Variants in DOCK3 observed in about 807,000 individuals in gnomAD.
DOCK3 encodes dedicator of cytokinesis 3, also known as dedicator of cytokinesis protein 3.
DOCK3 carries 60 observed loss-of-function variants against 265.6 expected under a neutral mutation model. The observed-to-expected ratio is 0.23, with a 90% CI of 0.18 to 0.28. DOCK3 has a LOEUF of 0.28. DOCK3 is among the 10% of genes least tolerant of loss of function. The pLI is 1.00. For missense variants in DOCK3, 1,981 were observed against 2,594.3 expected (o/e 0.76, Z 5.14); for synonymous variants, 881 against 938.0 (o/e 0.94, Z 1.11).
intron 27 of DOCK3, among the ~76,000 whole-genome samples, chr3:51,294,236 A>G (rs1576684029): frequency 6.6e-6 from 1 of 152,360 alleles, no homozygotes; most frequent in East Asian, 1.9e-4. Context: ...TGGTATATAT[A>G]CACAGGCAAT....
At chr3:51,257,726 G>A (rs947106255) in intron 22 of DOCK3, among the ~76,000 whole-genome samples, 2 of 152,164 alleles carry the variant, frequency 1.3e-5, no homozygotes, top group South Asian at 4.1e-4. Context: ...AAACAAAAAT[G>A]GACAGGGCAG....
At chr3:51,110,197 A>G (rs958918349) in intron 9 of DOCK3, among the ~76,000 whole-genome samples, 1 of 152,116 alleles carries the variant, frequency 6.6e-6, no homozygotes, top group African/African-American at 2.4e-5. Context: ...AAATAAATAA[A>G]TAAATAAGCT....
intron 5 of DOCK3, among the ~76,000 whole-genome samples, chr3:50,993,441 A>G (rs1320518434): frequency 6.6e-6 from 1 of 152,230 alleles, no homozygotes; most frequent in Non-Finnish European, 1.5e-5. Flanking sequence ...AGATATAAAT[A>G]GCTCAGCCTG....
Position 51,381,123 on chromosome 3 carries a change from C to T in DOCK3, c.5657C>T (p.Ser1886Phe). The change falls in exon 53 of 53, where the codon TCC (serine) becomes TTC (phenylalanine). Residue 1886 changes from serine to phenylalanine, a missense_variant. This residue lies in a region of DOCK3 where 1,357 missense variants were observed against 1,866.8 expected (regional missense o/e 0.73). Transcript: ENST00000266037. This position sits in a 1 kb window ranked among gnomAD's most constrained non-coding sequence, Gnocchi z 5.6. ...SGLDGSNSTL[S>F]GSASSGVSSL... ...CTGGACGGCAGCAACTCTACGCTGT[C>T]CGGCAGTGCCAGCAGCGGCGTGTCC... 1 of 1,613,936 alleles carries T rather than the reference C, an allele frequency of 6.2e-7. No homozygotes were observed. The highest frequency in any genetic ancestry group is 8.5e-7 in the Non-Finnish European group (1 of 1,179,880).
At chr3:50,752,517 A>C (rs1216652650) in intron 1 of DOCK3, among the ~76,000 whole-genome samples, 2 of 40,198 alleles carry the variant, frequency 5.0e-5, no homozygotes, top group African/African-American at 1.2e-4. Context: ...CAAAAAAAAA[A>C]AAAAAACAAA....
chr3:50,950,025 G>A (rs939300924), intron 5 of DOCK3, among the ~76,000 whole-genome samples: 1 of 137,708 alleles, frequency 7.3e-6, no homozygotes, highest in African/African-American at 2.7e-5. Context: ...TTTTTTTTTA[G>A]TCATGTCTAA....
At position 51,260,211 on chromosome 3, in the gene DOCK3, C is replaced by T; in HGVS notation, c.2240C>T (p.Ala747Val). ...CAGTCACGGATCCTGTACTCACGAG[C>T]CACTTGTGGAATGGAAGAGGAACAA... ...IVQSRILYSR[A>V]TCGMEEEQFR... The change falls in exon 23 of 53, where the codon GCC becomes GTC. Residue 747 changes from alanine (A) to valine (V), a missense_variant. Ala to Val is a moderately conservative substitution (Grantham distance 64, BLOSUM62 0). This residue lies in a region of DOCK3 where 1,357 missense variants were observed against 1,866.8 expected (regional missense o/e 0.73). Coordinates refer to ENST00000266037, the MANE Select transcript of DOCK3 (RefSeq NM_004947.5). The T allele has an allele frequency of 6.2e-7, 1 of 1,613,874 alleles. No homozygotes were observed. The highest frequency in any genetic ancestry group is 8.5e-7 in the Non-Finnish European group (1 of 1,179,866).
intron 5 of DOCK3, among the ~76,000 whole-genome samples, chr3:50,969,734 T>C (rs374021243): frequency 9.2e-5 from 14 of 152,220 alleles, no homozygotes; most frequent in African/African-American, 3.4e-4. Flanking sequence ...ATGATGAAAC[T>C]TAGTTTAGCA....
At chr3:50,978,195 G>A (rs577079294) in intron 5 of DOCK3, among the ~76,000 whole-genome samples, 8 of 150,178 alleles carry the variant, frequency 5.3e-5, no homozygotes, top group South Asian at 2.1e-4. Flanking sequence ...GAGGAACTGC[G>A]TTCCTTTGGA....
intron 4 of DOCK3, among the ~76,000 whole-genome samples, chr3:50,898,846 CTG>C (rs1207499048): frequency 6.6e-6 from 1 of 151,230 alleles, no homozygotes; most frequent in Non-Finnish European, 1.5e-5. Context: ...GTCTGAGAGA[CTG>C]TTATGATTTC....
intron 6 of DOCK3, among the ~76,000 whole-genome samples, chr3:51,065,112 A>G (rs2081544000): frequency 6.6e-6 from 1 of 152,188 alleles, no homozygotes. Flanking sequence ...CTATTGCCAT[A>G]CAAGTACAAT....
At chr3:51,104,417 A>G (rs1348444447) in intron 9 of DOCK3, among the ~76,000 whole-genome samples, 1 of 152,184 alleles carries the variant, frequency 6.6e-6, no homozygotes, top group Non-Finnish European at 1.5e-5. Flanking sequence ...GAAGAGGGAC[A>G]TGTTCTGACT....
intron 27 of DOCK3, among the ~76,000 whole-genome samples, chr3:51,291,178 A>C (rs981083970): frequency 6.6e-6 from 1 of 152,216 alleles, no homozygotes; most frequent in African/African-American, 2.4e-5. Context: ...AGTTTATAGC[A>C]ATAAATGCCT....
chr3:51,277,296 A>G (rs1329326758), intron 25 of DOCK3, among the ~76,000 whole-genome samples: 1 of 152,202 alleles, frequency 6.6e-6, no homozygotes, highest in Non-Finnish European at 1.5e-5. Flanking sequence ...ATCAAAGAAA[A>G]CATTTAACTC....
chr3:51,034,028 C>A (rs542812133), intron 5 of DOCK3, among the ~76,000 whole-genome samples: 2 of 152,048 alleles, frequency 1.3e-5, no homozygotes, highest in Non-Finnish European at 2.9e-5. Flanking sequence ...AATGTCTTAT[C>A]GTTCTTAGTA....
rs1024647342 is a variant in DOCK3 at position 51,026,447 on chromosome 3, T to A, written c.316-38001T>A. ...ATTGGCCTGTAGTTTTTTTTTTTTT[T>A]TTATTGTGTCCTTGTCAGCTTTGGG... On this transcript the variant is annotated intron_variant, in intron 5 of 52. Coordinates refer to ENST00000266037, the MANE Select transcript of DOCK3 (RefSeq NM_004947.5). Among the ~76,000 whole-genome samples, 53 of 152,030 alleles carry A rather than the reference T, an allele frequency of 3.5e-4. 1 individual carries two copies. Among genetic ancestry groups the A allele is most frequent in the Admixed American group, 2.5e-3 (38 of 15,272 alleles).
intron 27 of DOCK3, among the ~76,000 whole-genome samples, chr3:51,301,376 T>A (rs1399822598): frequency 6.6e-6 from 1 of 152,104 alleles, no homozygotes; most frequent in Non-Finnish European, 1.5e-5. Flanking sequence ...TGATTTTTTT[T>A]TTTGAAGGCT....
rs535231675 is a variant in DOCK3 at position 50,994,357 on chromosome 3, A to C, written c.315+60280A>C. Among the ~76,000 whole-genome samples the C allele has an allele frequency of 2.0e-5, 3 of 152,316 alleles. No homozygotes were observed. In the East Asian group the frequency reaches 5.8e-4, roughly 29 times the overall value. ...CTTCTCACAGTCATCCTGTGAGATA[A>C]GTATTGTTAGTATCTTCAGCTTTTC... On this transcript the variant is annotated intron_variant, in intron 5 of 52. Transcript: ENST00000266037.
chr3:51,213,603 C>T (rs1319140564), intron 13 of DOCK3, among the ~76,000 whole-genome samples: 2 of 152,192 alleles, frequency 1.3e-5, no homozygotes, highest in African/African-American at 2.4e-5. Flanking sequence ...TGTGATGTCT[C>T]CTCTGTTGCA....
Sources: gnomAD v4.1 joint callset for allele counts (sites outside exome capture counted in the v4.1 genomes callset) on GRCh38, gnomAD v4.1.1 for gene constraint, gnomAD v4.1.1 regional missense constraint, Gnocchi (gnomAD v3.1) non-coding constraint, MANE v1.5 for transcripts, NCBI Gene and HGNC (gene_info 2026-07-23, HGNC 2026-07-21) for gene names.